Variants in NSMCE2 observed in about 807,000 individuals in gnomAD.
NSMCE2 encodes the protein E3 SUMO-protein ligase NSE2.
A neutral mutation model predicts 23.8 loss-of-function variants in NSMCE2; 24 were observed. The ratio of observed to expected loss-of-function variants is 1.01; its 90% CI spans 0.73 to 1.42. The LOEUF (loss-of-function observed/expected upper bound fraction) is 1.42, where lower values mean the gene tolerates loss of function less well. Among genes scored for constraint, NSMCE2 ranks in the 40% most tolerant of loss-of-function variants. The pLI is 0.00. For synonymous variants in NSMCE2, 92 were observed against 94.1 expected, an observed-to-expected ratio of 0.98 and a Z score of 0.13; for missense variants, 284 against 296.5, an observed-to-expected ratio of 0.96 and a Z score of 0.31.
In NSMCE2 at chr8:125,328,489, A is replaced by G. The variant is rs1829758881; in HGVS notation, c.419-28730A>G. The stretch of plus-strand genomic sequence containing the variant: ...TGTGCCAGGCACAAGGAGTATCTTA[A>G]CACACGTTTTCACTGGAGTAGATCT... On this transcript the variant is annotated intron_variant, in intron 5 of 7. Coordinates refer to ENST00000287437, the MANE Select transcript of NSMCE2 (RefSeq NM_173685.4). 2.0e-5 allele frequency among the ~76,000 whole-genome samples: 3 copies of G among 152,340 alleles called. No individual in the cohort carries two copies. In the South Asian group the frequency reaches 6.2e-4, roughly 32 times the overall value.
At chr8:125,366,145 T>C (rs1371233864) in intron 7 of NSMCE2, among the ~76,000 whole-genome samples, 1 of 152,098 alleles carries the variant, frequency 6.6e-6, no homozygotes, top group Non-Finnish European at 1.5e-5. Flanking sequence ...GCACTCTCTC[T>C]CCCTGACCCT....
intron 4 of NSMCE2, among the ~76,000 whole-genome samples, chr8:125,165,213 T>A (rs1171337835): frequency 6.6e-6 from 1 of 152,208 alleles, no homozygotes; most frequent in East Asian, 1.9e-4. Context: ...AAGGATTAAA[T>A]GAGATAACTT....
intron 5 of NSMCE2, among the ~76,000 whole-genome samples, chr8:125,212,720 T>G (rs1586618931): frequency 6.6e-6 from 1 of 152,318 alleles, no homozygotes; most frequent in South Asian, 2.1e-4. Context: ...ATAACATTTT[T>G]TAAATGTAGG....
intron 5 of NSMCE2, among the ~76,000 whole-genome samples, chr8:125,218,148 A>G (rs1824683959): frequency 2.0e-5 from 3 of 152,186 alleles, no homozygotes; most frequent in Admixed American, 2.0e-4. Flanking sequence ...GAGATTTTGC[A>G]TGTACTCTGA....
chr8:125,235,506 A>G (rs1231794688), intron 5 of NSMCE2, among the ~76,000 whole-genome samples: 1 of 152,218 alleles, frequency 6.6e-6, no homozygotes, highest in Non-Finnish European at 1.5e-5. Flanking sequence ...AAGAATATGC[A>G]TAGCCATGCA....
chr8:125,275,798 T>C (rs999772036), intron 5 of NSMCE2, among the ~76,000 whole-genome samples: 6 of 152,080 alleles, frequency 3.9e-5, no homozygotes, highest in South Asian at 2.1e-4. Context: ...GAGGCTAAGG[T>C]TCAGAATGAT....
At chr8:125,234,012 T>TA (rs34763403) in intron 5 of NSMCE2, among the ~76,000 whole-genome samples, 27,238 of 101,956 alleles carry the variant, frequency 0.27, 3,325 homozygotes, top group Middle Eastern at 0.5. Flanking sequence ...CTGTCTCTAC[T>TA]AAAAAAAAAA....
intron 5 of NSMCE2, among the ~76,000 whole-genome samples, chr8:125,292,699 T>C (rs891128732): frequency 6.6e-6 from 1 of 152,246 alleles, no homozygotes; most frequent in African/African-American, 2.4e-5. Flanking sequence ...TGTAGTGCTG[T>C]TGGCTTCTAC....
In NSMCE2 at chr8:125,265,690, G is replaced by A. The variant is rs1826881837; in HGVS notation, c.418+83434G>A. Among the ~76,000 whole-genome samples the A allele has an allele frequency of 2.0e-5, 3 of 152,146 alleles. No homozygotes were observed. The South Asian group carries it at 6.2e-4, about 32-fold the overall frequency. ...TTTAATTCTGTAGGTCATATGACTT[G>A]TAAGAAGCAGAGCCTGTGTTAGAAC... On this transcript the variant is annotated intron_variant, in intron 5 of 7. Coordinates refer to ENST00000287437, the MANE Select transcript of NSMCE2 (RefSeq NM_173685.4).
chr8:125,285,756 G>GCACA (rs10550331), intron 5 of NSMCE2, among the ~76,000 whole-genome samples: 3 of 149,290 alleles, frequency 2.0e-5, no homozygotes, highest in African/African-American at 7.4e-5. Flanking sequence ...TCATACACAC[G>GCACA]CACACACACA....
At chr8:125,272,014 CTT>C (rs563967898) in intron 5 of NSMCE2, among the ~76,000 whole-genome samples, 6 of 130,176 alleles carry the variant, frequency 4.6e-5, no homozygotes, top group Admixed American at 1.6e-4. Context: ...CAGTTTCTTT[CTT>C]TTTTTTTTTT....
chr8:125,284,156 G>GAA (rs796903052), intron 5 of NSMCE2, among the ~76,000 whole-genome samples: 120 of 92,550 alleles, frequency 1.3e-3, no homozygotes, highest in African/African-American at 4.3e-3. Context: ...TCCGGAAAAA[G>GAA]AAAAAAAAAA....
At chr8:125,099,523 G>C (rs1201969592) in intron 1 of NSMCE2, among the ~76,000 whole-genome samples, 1 of 152,084 alleles carries the variant, frequency 6.6e-6, no homozygotes, top group Non-Finnish European at 1.5e-5. Context: ...AGGAGATGGA[G>C]AGGAAACAGA....
intron 5 of NSMCE2, among the ~76,000 whole-genome samples, chr8:125,196,999 C>A (rs1273457726): frequency 6.6e-6 from 1 of 152,144 alleles, no homozygotes; most frequent in Non-Finnish European, 1.5e-5. Context: ...TAAATGTCTT[C>A]TTTTGGGAAG....
chr8:125,200,923 T>G (rs575511007), intron 5 of NSMCE2, among the ~76,000 whole-genome samples: 1 of 152,328 alleles, frequency 6.6e-6, no homozygotes, highest in African/African-American at 2.4e-5. Context: ...TAATTTGATC[T>G]TCAATCACTG....
chr8:125,291,704 A>G (rs374992683), intron 5 of NSMCE2, among the ~76,000 whole-genome samples: 4 of 152,196 alleles, frequency 2.6e-5, no homozygotes, highest in Non-Finnish European at 5.9e-5. Context: ...TTCTGGAGTT[A>G]TATTAGTATT....
intron 5 of NSMCE2, among the ~76,000 whole-genome samples, chr8:125,333,577 C>T (rs952191147): frequency 3.2e-5 from 4 of 124,192 alleles, no homozygotes; most frequent in Admixed American, 1.0e-4. Context: ...TGCAGTGGCG[C>T]GATCTCGGCT....
At chr8:125,198,282 G>A (rs1011982801) in intron 5 of NSMCE2, among the ~76,000 whole-genome samples, 1 of 152,170 alleles carries the variant, frequency 6.6e-6, no homozygotes, top group African/African-American at 2.4e-5. Flanking sequence ...CAAAGGGAAT[G>A]CTTCCAGTTT....
chr8:125,108,347 C>T (rs1222909694), intron 3 of NSMCE2, among the ~76,000 whole-genome samples: 4 of 152,070 alleles, frequency 2.6e-5, no homozygotes, highest in African/African-American at 7.2e-5. Context: ...AGGAAAACAC[C>T]GGTTGTTTAA....
Sources: gnomAD v4.1 joint callset for allele counts (sites outside exome capture counted in the v4.1 genomes callset) on GRCh38, gnomAD v4.1.1 for gene constraint, MANE v1.5 for transcripts, NCBI Gene and HGNC (gene_info 2026-07-23, HGNC 2026-07-21) for gene names.